The following RNF214 variants were observed in gnomAD, a reference collection of about 807,000 sequenced individuals.
RNF214 encodes the protein ring finger protein 214.
Under a neutral mutation model 75.9 loss-of-function variants are expected in RNF214, and 25 were observed. That is an observed-to-expected ratio of 0.33 (90% CI 0.24 to 0.46). The LOEUF (loss-of-function observed/expected upper bound fraction) is 0.46, where lower values mean the gene tolerates loss of function less well. Among genes scored for constraint, RNF214 ranks in the 20% least tolerant of loss-of-function variants. The pLI is 1.00. For synonymous variants in RNF214, 314 were observed against 308.8 expected, an observed-to-expected ratio of 1.02 and a Z score of -0.18; for missense variants, 725 against 857.5, an observed-to-expected ratio of 0.85 and a Z score of 1.93.
At chr11:117,233,032 C>T (rs952995472) in intron 1 of RNF214, among the ~76,000 whole-genome samples, 2 of 152,154 alleles carry the variant, frequency 1.3e-5, no homozygotes, top group Admixed American at 6.5e-5. Context: ...CCATTGTCCC[C>T]TTCCCGTCTG....
At chr11:117,248,879 A>G (rs1388146231) in intron 6 of RNF214, among the ~76,000 whole-genome samples, 1 of 152,158 alleles carries the variant, frequency 6.6e-6, no homozygotes, top group Non-Finnish European at 1.5e-5. Context: ...TGAGTCTATA[A>G]TGTTATTCTA....
intron 6 of RNF214, among the ~76,000 whole-genome samples, chr11:117,259,193 G>T (rs1002935873): frequency 8.5e-5 from 13 of 152,164 alleles, no homozygotes; most frequent in African/African-American, 3.1e-4. Flanking sequence ...CTGACCTCAA[G>T]TGAGCTGCCT....
intron 4 of RNF214, among the ~76,000 whole-genome samples, chr11:117,241,010 C>A (rs1265886582): frequency 2.0e-5 from 3 of 151,818 alleles, no homozygotes; most frequent in African/African-American, 7.3e-5. Context: ...GAAACCCCAT[C>A]TCTACTAAAA....
intron 6 of RNF214, among the ~76,000 whole-genome samples, chr11:117,261,148 C>T (rs1430439844): frequency 6.6e-6 from 1 of 152,072 alleles, no homozygotes; most frequent in Non-Finnish European, 1.5e-5. Flanking sequence ...TAATATTTTA[C>T]CATTAAGTTT....
chr11:117,268,457 G>A (rs954551926), intron 6 of RNF214, among the ~76,000 whole-genome samples: 3 of 152,098 alleles, frequency 2.0e-5, no homozygotes, highest in African/African-American at 7.2e-5. Context: ...ATTGGGGTCG[G>A]GGGGAGTCTT....
At chr11:117,275,184 A>T (rs1248457059) in intron 6 of RNF214, among the ~76,000 whole-genome samples, 1 of 152,230 alleles carries the variant, frequency 6.6e-6, no homozygotes, top group African/African-American at 2.4e-5. Flanking sequence ...TGAAATCAAG[A>T]TAGAAATTAA....
At chr11:117,244,365 A>C in intron 4 of RNF214, 80 bp from the exon 5 acceptor site, 1 of 1,185,180 alleles carries the variant, frequency 8.4e-7, no homozygotes, top group Non-Finnish European at 1.2e-6. Flanking sequence ...AGAGCTCTAT[A>C]CAATGCCTTG....
intron 6 of RNF214, among the ~76,000 whole-genome samples, chr11:117,270,472 C>A (rs2033887113): frequency 6.6e-6 from 1 of 151,928 alleles, no homozygotes; most frequent in Non-Finnish European, 1.5e-5. Context: ...CTGTCTGTCA[C>A]CCAGGCTGGA....
intron 4 of RNF214, 108 bp downstream of exon 4, chr11:117,239,968 T>C (rs916991335): frequency 2.6e-5 from 17 of 646,852 alleles, no homozygotes; most frequent in Non-Finnish European, 4.7e-5. Flanking sequence ...ATAAAATTCC[T>C]GACAGATGGT....
chr11:117,285,427 A>C lies in RNF214; in HGVS notation c.*276A>C. On this transcript the variant is annotated 3_prime_UTR_variant, in exon 15 of 15. Transcript: ENST00000300650. ...TGTTTAGTTTGGCCTTGAAATTATG[A>C]TATCCCTGCCCAGGGCTGTTTTCAA... 2 of 300,772 alleles carry C rather than the reference A, an allele frequency of 6.6e-6. No homozygotes were observed. Among genetic ancestry groups the C allele is most frequent in the Non-Finnish European group, 1.2e-5 (2 of 160,660 alleles). The allele number at this position is 300,772 out of a possible 1,614,324, so 18.6% of individuals were successfully genotyped here.
At chr11:117,261,264 G>A (rs2033655776) in intron 6 of RNF214, among the ~76,000 whole-genome samples, 1 of 152,062 alleles carries the variant, frequency 6.6e-6, no homozygotes, top group Non-Finnish European at 1.5e-5. Context: ...ACTTCATTTT[G>A]TCAAATGCTT....
intron 6 of RNF214, among the ~76,000 whole-genome samples, chr11:117,254,376 T>C (rs1451177495): frequency 6.6e-6 from 1 of 152,194 alleles, no homozygotes. Flanking sequence ...CTTTGTCTTA[T>C]TCCCAATAAA....
chr11:117,271,426 T>C (rs1444937040), intron 6 of RNF214, among the ~76,000 whole-genome samples: 3 of 152,200 alleles, frequency 2.0e-5, no homozygotes, highest in Non-Finnish European at 4.4e-5. Flanking sequence ...GCTGGAGCAA[T>C]TGTAGGGCTG....
chr11:117,256,874 T>A (rs1284655599), intron 6 of RNF214, among the ~76,000 whole-genome samples: 1 of 152,186 alleles, frequency 6.6e-6, no homozygotes, highest in East Asian at 1.9e-4. Flanking sequence ...TCACTTTTTC[T>A]GCTTAGTATA....
At chr11:117,284,161 C>G (rs951718069) in intron 14 of RNF214, among the ~76,000 whole-genome samples, 6 of 152,108 alleles carry the variant, frequency 3.9e-5, no homozygotes, top group South Asian at 2.1e-4. Flanking sequence ...CAAAATGTAG[C>G]ATTGTCAGAA....
At chr11:117,236,623 A>T (rs895046069) in intron 2 of RNF214, among the ~76,000 whole-genome samples, 1 of 152,176 alleles carries the variant, frequency 6.6e-6, no homozygotes, top group Admixed American at 6.5e-5. Context: ...AGTAGCTAAC[A>T]CTTAACTACA....
intron 6 of RNF214, among the ~76,000 whole-genome samples, chr11:117,259,051 G>A (rs574810234): frequency 1.3e-5 from 2 of 152,208 alleles, no homozygotes; most frequent in East Asian, 3.9e-4. Context: ...CCGCCTGCCG[G>A]GTTTGAGCAA....
chr11:117,283,585 T>C (rs1389222385), intron 14 of RNF214, among the ~76,000 whole-genome samples: 1 of 152,182 alleles, frequency 6.6e-6, no homozygotes, highest in African/African-American at 2.4e-5. Context: ...GGTCTCGAAC[T>C]CCTGACCTTG....
intron 5 of RNF214, among the ~76,000 whole-genome samples, chr11:117,246,389 A>G (rs1336360696): frequency 1.3e-5 from 2 of 152,186 alleles, no homozygotes; most frequent in East Asian, 1.9e-4. Context: ...AACAAAACCC[A>G]TACATAATAA....
Sources: gnomAD v4.1 joint callset for allele counts (sites outside exome capture counted in the v4.1 genomes callset) on GRCh38, gnomAD v4.1.1 for gene constraint, MANE v1.5 for transcripts, NCBI Gene and HGNC (gene_info 2026-07-23, HGNC 2026-07-21) for gene names.